The following TTLL13 variants were observed in gnomAD, a reference collection of about 807,000 sequenced individuals.
TTLL13 encodes the protein tubulin polyglutamylase TTLL13.
At chr15:90,256,595 T>TTCTC in the TTLL13 span, among the ~76,000 whole-genome samples, 17 of 37,912 alleles carry the variant, frequency 4.5e-4, no homozygotes, top group Non-Finnish European at 7.1e-4. Flanking sequence ...CTTTCTTTCT[T>TTCTC]TCTTTCTTTC....
the TTLL13 span, chr15:90,257,366 T>C: frequency 1.3e-6 from 2 of 1,508,138 alleles, no homozygotes; most frequent in Non-Finnish European, 1.8e-6. Context: ...GGTTTGTCAC[T>C]GTCACCAAAG....
chr15:90,265,276 T>G, the TTLL13 span: 1 of 1,232,028 alleles, frequency 8.1e-7, no homozygotes, highest in Non-Finnish European at 1.0e-6. Flanking sequence ...GGCCCGGGGC[T>G]GGAGGCCATC....
the TTLL13 span, among the ~76,000 whole-genome samples, chr15:90,259,891 A>G: frequency 6.6e-6 from 1 of 152,266 alleles, no homozygotes; most frequent in East Asian, 1.9e-4. Context: ...AATGATACAT[A>G]CAAATGAATT....
chr15:90,252,043 C>CTTTTTTTTTTT, the TTLL13 span, among the ~76,000 whole-genome samples: 26,191 of 129,478 alleles, frequency 0.2, 3,228 homozygotes, highest in East Asian at 0.59. Flanking sequence ...TCACCTAATT[C>CTTTTTTTTTTT]TTTTTTTTTT....
At chr15:90,257,562 C>T in the TTLL13 span, 1 of 1,377,846 alleles carries the variant, frequency 7.3e-7, no homozygotes. Flanking sequence ...GGGTGGGGAG[C>T]AACAAGGTAA....
chr15:90,257,231 C>T, the TTLL13 span: 12 of 1,613,328 alleles, frequency 7.4e-6, no homozygotes, highest in African/African-American at 1.3e-5. Flanking sequence ...TGAGGAGGGC[C>T]TAGCCCGTTT....
the TTLL13 span, chr15:90,256,371 G>C: frequency 1.1e-5 from 17 of 1,590,248 alleles, no homozygotes; most frequent in East Asian, 3.8e-4. Flanking sequence ...CCAAAAGCCA[G>C]GGAGGAAGCT....
the TTLL13 span, among the ~76,000 whole-genome samples, chr15:90,261,586 C>G: frequency 1.3e-5 from 2 of 151,850 alleles, no homozygotes; most frequent in Non-Finnish European, 2.9e-5. Context: ...TGAGGTCCGG[C>G]CTTGCCAACG....
chr15:90,264,178 T>A, the TTLL13 span: 1 of 657,514 alleles, frequency 1.5e-6, no homozygotes, highest in East Asian at 2.7e-5. Context: ...ATGGGGAAGT[T>A]AGGGTACCCA....
At chr15:90,254,988 C>A in the TTLL13 span, among the ~76,000 whole-genome samples, 8 of 152,240 alleles carry the variant, frequency 5.3e-5, 1 homozygote, top group Non-Finnish European at 1.2e-4. Context: ...CAGCAGATAT[C>A]CCTTGGTTAG....
chr15:90,256,553 C>G, the TTLL13 span, among the ~76,000 whole-genome samples: 1 of 77,174 alleles, frequency 1.3e-5, no homozygotes, highest in Non-Finnish European at 2.7e-5. Flanking sequence ...CTTTTTCTTT[C>G]TTTCTTTCTT....
the TTLL13 span, among the ~76,000 whole-genome samples, chr15:90,251,114 C>CTGTTTTTTT: frequency 3.8e-5 from 4 of 104,666 alleles, 1 homozygote; most frequent in Admixed American, 1.2e-4. Flanking sequence ...CCTGGTCTGT[C>CTGTTTTTTT]TTTTTTTTTT....
the TTLL13 span, among the ~76,000 whole-genome samples, chr15:90,261,166 C>T: frequency 8.0e-5 from 12 of 150,722 alleles, no homozygotes; most frequent in Non-Finnish European, 1.2e-4. Context: ...GCAACTTCCA[C>T]CTCCTGGGTT....
the TTLL13 span, chr15:90,253,436 C>G: frequency 1.7e-6 from 2 of 1,167,356 alleles, no homozygotes; most frequent in Non-Finnish European, 2.4e-6. Context: ...ACCTCCTTGC[C>G]CAGGCACCCA....
the TTLL13 span, chr15:90,256,226 ATCT>A: frequency 4.3e-6 from 7 of 1,614,214 alleles, no homozygotes; most frequent in South Asian, 7.7e-5. Context: ...GGGACGTGGC[ATCT>A]TCATTACCCG....
At chr15:90,251,271 G>C in the TTLL13 span, among the ~76,000 whole-genome samples, 2 of 124,672 alleles carry the variant, frequency 1.6e-5, no homozygotes, top group Non-Finnish European at 3.3e-5. Context: ...CTGCCACCAC[G>C]CATGGCAAAT....
the TTLL13 span, chr15:90,257,810 G>A: frequency 7.5e-7 from 1 of 1,335,784 alleles, no homozygotes; most frequent in Non-Finnish European, 1.1e-6. Flanking sequence ...CTCTTGGGAG[G>A]CTAATTGCCC....
chr15:90,264,816 C>T, the TTLL13 span: 4 of 1,536,088 alleles, frequency 2.6e-6, no homozygotes, highest in Non-Finnish European at 3.5e-6. Context: ...TTTCTGCAAC[C>T]GGAAAGAGTG....
At chr15:90,252,153 C>T in the TTLL13 span, among the ~76,000 whole-genome samples, 2 of 152,000 alleles carry the variant, frequency 1.3e-5, no homozygotes, top group African/African-American at 4.8e-5. Context: ...GATTCTCCTG[C>T]CTCAGCCTCC....
Sources: allele counts gnomAD v4.1 joint callset (sites outside exome capture counted in the v4.1 genomes callset), GRCh38; gene constraint gnomAD v4.1.1; transcripts MANE v1.5; gene names NCBI Gene and HGNC (gene_info 2026-07-23, HGNC 2026-07-21).